The following ATRX variants were observed in gnomAD, a reference collection of about 807,000 sequenced individuals.
The protein encoded by ATRX is ATRX chromatin remodeler.
ATRX carries 12 observed loss-of-function variants against 172.6 expected under a neutral mutation model. The observed-to-expected ratio is 0.07, with a 90% CI of 0.04 to 0.11. The LOEUF (loss-of-function observed/expected upper bound fraction) is 0.11. ATRX is among the 10% of genes least tolerant of loss of function. The probability of loss-of-function intolerance (pLI) is 1.00; values close to 1 mark genes in which losing one functional copy is unlikely to be tolerated. For synonymous variants in ATRX, 674 were observed against 594.7 expected (o/e 1.13, Z -1.94); for missense variants, 1,368 against 1,767.4 (o/e 0.77, Z 4.05).
intron 30 of ATRX, among the ~76,000 whole-genome samples, chrX:77,552,275 T>C (rs1159855096): frequency 9.1e-6 from 1 of 110,304 alleles, no homozygotes; most frequent in Non-Finnish European, 1.9e-5. Context: ...TGGAATACTA[T>C]GCAGCCATAA....
intron 30 of ATRX, among the ~76,000 whole-genome samples, chrX:77,527,400 AC>A (rs1404228296): frequency 2.7e-5 from 3 of 111,800 alleles, no homozygotes; most frequent in Non-Finnish European, 5.6e-5. Flanking sequence ...AGGAACCCCC[AC>A]CCCCAGCCAG....
intron 1 of ATRX, among the ~76,000 whole-genome samples, chrX:77,765,852 T>C (rs1401335785): frequency 9.2e-6 from 1 of 108,939 alleles, no homozygotes; most frequent in Non-Finnish European, 1.9e-5. Context: ...TCCACAGTGT[T>C]TGTGTCCCTG....
intron 28 of ATRX, among the ~76,000 whole-genome samples, chrX:77,561,422 T>C (rs2065015761): frequency 9.0e-6 from 1 of 111,089 alleles, no homozygotes; most frequent in Admixed American, 9.6e-5. Flanking sequence ...ATATTCTTAA[T>C]ACTAAGTATT....
Position 77,522,354 on chromosome X carries a change from G to T in ATRX, c.6884C>A (p.Thr2295Asn). The change falls in exon 32 of 35, where the codon ACC becomes AAC. Residue 2295 changes from threonine to asparagine, a missense_variant. This residue lies in a region of ATRX where 100 missense variants were observed against 153.9 expected (regional missense o/e 0.65). Transcript: ENST00000373344. ...LTMRFNIPTG[T>N]NLPPVSFNSQ... is the part of the protein sequence containing the mutation. ...GTTGAAACTGACAGGGGGTAAATTG[G>T]TCCCAGTTGGTATGTTGAAACGCAT... 8.3e-7 allele frequency: 1 copy of T among 1,210,127 alleles called. No homozygotes were observed.
rs782088422 is a variant in ATRX at position 77,543,962 on chromosome X, A to G, written c.6699+13489T>C. On this transcript the variant is annotated intron_variant, in intron 30 of 34. Coordinates refer to ENST00000373344, the MANE Select transcript of ATRX (RefSeq NM_000489.6). The stretch of plus-strand genomic sequence containing the variant: ...CCCCAGAACTTAGAATATTAAATAT[A>G]TATATATATATATTGGACACAAGCA... 5.4e-4 allele frequency among the ~76,000 whole-genome samples: 59 copies of G among 108,538 alleles called. 1 individual carries two copies. The highest frequency in any genetic ancestry group is 9.4e-4 in the Non-Finnish European group (49 of 52,338). 94.3% of individuals were successfully genotyped at this position (108,538 alleles called of 115,157 possible).
chrX:77,744,133 T>A (rs1557183684), intron 1 of ATRX, among the ~76,000 whole-genome samples: 1 of 111,813 alleles, frequency 8.9e-6, no homozygotes, highest in Non-Finnish European at 1.9e-5. Flanking sequence ...CTGGGCAATA[T>A]AATGAGACCC....
At chrX:77,656,782 T>C (rs2069576909) in intron 12 of ATRX, 129 bp from the exon 13 acceptor site, 1 of 475,083 alleles carries the variant, frequency 2.1e-6, no homozygotes, top group South Asian at 3.8e-5. Flanking sequence ...TGTGAATGGA[T>C]AATACATAAT....
intron 2 of ATRX, among the ~76,000 whole-genome samples, chrX:77,700,914 G>A (rs2072471038): frequency 8.9e-6 from 1 of 112,606 alleles, no homozygotes; most frequent in African/African-American, 3.2e-5. Flanking sequence ...CACAGCACAG[G>A]AATCTTTTTA....
In ATRX at chrX:77,523,407, T is replaced by C. The variant is rs887572588; in HGVS notation, c.6700-6A>G. The C allele has an allele frequency of 1.7e-6, 2 of 1,205,106 alleles. No homozygotes were observed. Among genetic ancestry groups the C allele is most frequent in the Admixed American group, 4.4e-5 (2 of 45,956 alleles). ...AGCTCTGCAAGTATGGTATCCTGTT[T>C]AGAGGGGTTGAAATAAGAGACAATT... On this transcript the variant is annotated splice_region_variant and splice_polypyrimidine_tract_variant and intron_variant, in intron 30 of 34. Transcript: ENST00000373344.
chrX:77,528,890 C>T (rs2147791762), intron 30 of ATRX, among the ~76,000 whole-genome samples: 1 of 111,836 alleles, frequency 8.9e-6, no homozygotes, highest in African/African-American at 3.2e-5. Context: ...CATGTTTTAA[C>T]CCAAGGCAAA....
At chrX:77,727,498 C>T (rs2148798354) in intron 1 of ATRX, among the ~76,000 whole-genome samples, 1 of 111,045 alleles carries the variant, frequency 9.0e-6, no homozygotes, top group African/African-American at 3.3e-5. Flanking sequence ...TACTATGCAG[C>T]CATAAAAAAA....
In ATRX at chrX:77,682,114, T is replaced by G. The variant is rs1557138129; in HGVS notation, c.3142A>C (p.Lys1048Gln). ...GTTDGEKKSK[K>Q]IRDKTSKKKD... Reference sequence around the variant, plus strand: ...TTTTTAGAAGTTTTATCTCTTATTTTTTTACTTTTCTTTTCTCCATCAGTT... The same window carrying G: ...TTTTTAGAAGTTTTATCTCTTATTTGTTTACTTTTCTTTTCTCCATCAGTT... The change falls in exon 9 of 35, where the codon AAA becomes CAA. Residue 1048 changes from lysine (K) to glutamine (Q), a missense_variant. Physicochemically the swap from Lys to Gln is moderately conservative, Grantham distance 53 (BLOSUM62 1). Coordinates refer to ENST00000373344, the MANE Select transcript of ATRX (RefSeq NM_000489.6). The G allele has an allele frequency of 8.3e-7, 1 of 1,210,397 alleles. No homozygotes were observed. The highest frequency in any genetic ancestry group is 1.1e-6 in the Non-Finnish European group (1 of 894,361).
At chrX:77,699,214 G>A (rs1259000711) in intron 2 of ATRX, among the ~76,000 whole-genome samples, 1 of 110,088 alleles carries the variant, frequency 9.1e-6, no homozygotes, top group African/African-American at 3.3e-5. Flanking sequence ...GTTCACTTTA[G>A]CCTCAACCTC....
intron 1 of ATRX, among the ~76,000 whole-genome samples, chrX:77,738,989 T>A (rs1372296375): frequency 2.7e-5 from 3 of 112,019 alleles, no homozygotes; most frequent in African/African-American, 6.5e-5. Flanking sequence ...GCAATTTTTT[T>A]AATTTTTTAT....
At chrX:77,716,388 G>A (rs1377618076) in intron 2 of ATRX, among the ~76,000 whole-genome samples, 1 of 97,850 alleles carries the variant, frequency 1.0e-5, no homozygotes, top group Admixed American at 1.2e-4. Context: ...GAGAGGAGGT[G>A]TTAAGTGGTT....
At chrX:77,680,765 C>CTAAAAAA (rs2071142108) in intron 9 of ATRX, among the ~76,000 whole-genome samples, 1 of 110,795 alleles carries the variant, frequency 9.0e-6, no homozygotes, top group Non-Finnish European at 1.9e-5. Context: ...AGACAAATGA[C>CTAAAAAA]CAATACACAT....
intron 1 of ATRX, among the ~76,000 whole-genome samples, chrX:77,767,271 G>T (rs1043028470): frequency 9.2e-6 from 1 of 108,598 alleles, no homozygotes; most frequent in Non-Finnish European, 1.9e-5. Flanking sequence ...GAGAGGGAGA[G>T]GGGGAGAGGG....
chrX:77,541,629 C>T (rs1006054880), intron 30 of ATRX, among the ~76,000 whole-genome samples: 5 of 111,752 alleles, frequency 4.5e-5, no homozygotes, highest in South Asian at 3.7e-4. Flanking sequence ...ACAATCAAGT[C>T]GGCTTCATCC....
At position 77,683,400 on chromosome X, in the gene ATRX, C is replaced by T. The variant is rs782024206; in HGVS notation, c.1856G>A (p.Gly619Asp). Reference protein sequence around the residue: ...PQDKDGYKSCGLNPKLEKCGL... With the variant: ...PQDKDGYKSCDLNPKLEKCGL... ...ACATTTCTCTAACTTGGGGTTCAGA[C>T]CACAACTTTTATAGCCATCTTTATC... Residue 619 changes from glycine to aspartate, a missense_variant, in exon 9 of 35, where the codon GGT (glycine) becomes GAT (aspartate). By Grantham distance (94) the Gly-to-Asp change is moderately conservative (BLOSUM62 -1). Around this residue, in one of 17 missense-constraint regions of ATRX, gnomAD observed 843 missense variants for 643.1 expected, o/e 1.31. Coordinates refer to ENST00000373344, the MANE Select transcript of ATRX (RefSeq NM_000489.6). The T allele has an allele frequency of 6.6e-6, 8 of 1,210,971 alleles. No individual in the cohort carries two copies. The highest frequency in any genetic ancestry group is 3.0e-5 in the East Asian group (1 of 33,831).
Sources: allele counts gnomAD v4.1 joint callset (sites outside exome capture counted in the v4.1 genomes callset), GRCh38; gene constraint gnomAD v4.1.1; regional missense constraint gnomAD v4.1.1; transcripts MANE v1.5; gene names NCBI Gene and HGNC (gene_info 2026-07-23, HGNC 2026-07-21).